The following CAMKK2 variants were observed in gnomAD, a reference collection of about 807,000 sequenced individuals.
CAMKK2 encodes calcium/calmodulin-dependent protein kinase kinase 2.
A neutral mutation model predicts 67.2 loss-of-function variants in CAMKK2; 30 were observed. The ratio of observed to expected loss-of-function variants is 0.45; its 90% CI spans 0.33 to 0.61. The LOEUF (loss-of-function observed/expected upper bound fraction) is 0.61, where lower values mean the gene tolerates loss of function less well. CAMKK2 is among the 20% of genes least tolerant of loss of function. CAMKK2 has a pLI of 0.02. For synonymous variants in CAMKK2, 322 were observed against 326.2 expected (o/e 0.99, Z 0.14); for missense variants, 643 against 802.0 (o/e 0.80, Z 2.39).
At chr12:121,260,186 G>C in intron 7 of CAMKK2, 133 bp downstream of exon 7, 1 of 729,434 alleles carries the variant, frequency 1.4e-6, no homozygotes, top group Non-Finnish European at 2.2e-6. Flanking sequence ...CCTCCGGTGG[G>C]GCCAGCTGGA....
chr12:121,257,315 T>C (rs560812748), intron 7 of CAMKK2, among the ~76,000 whole-genome samples: 49 of 151,980 alleles, frequency 3.2e-4, no homozygotes, highest in Non-Finnish European at 4.7e-4. Flanking sequence ...GGCACGATCT[T>C]GGCTCACTGC....
At chr12:121,281,525 A>G (rs1022403218) in intron 1 of CAMKK2, among the ~76,000 whole-genome samples, 1 of 152,270 alleles carries the variant, frequency 6.6e-6, no homozygotes, top group Non-Finnish European at 1.5e-5. Flanking sequence ...GCGTTCATTC[A>G]TTCATTCATT....
chr12:121,241,141 T>C (rs1593248262), intron 16 of CAMKK2, among the ~76,000 whole-genome samples: 1 of 152,152 alleles, frequency 6.6e-6, no homozygotes, highest in Non-Finnish European at 1.5e-5. Flanking sequence ...TCCAAAACTA[T>C]GTAACACCAA....
intron 9 of CAMKK2, among the ~76,000 whole-genome samples, chr12:121,254,473 G>T (rs143822665): frequency 6.6e-6 from 1 of 151,862 alleles, no homozygotes; most frequent in African/African-American, 2.4e-5. Context: ...AAAGAGCTAA[G>T]ATGTTTAACA....
At position 121,274,305 on chromosome 12, in the gene CAMKK2, C is replaced by T; in HGVS notation, c.222G>A (p.Leu74=). 6.2e-7 allele frequency: 1 copy of T among 1,612,450 alleles called. No homozygotes were observed. Among genetic ancestry groups the T allele is most frequent in the Non-Finnish European group, 8.5e-7 (1 of 1,179,204 alleles). Residue 74 remains leucine (L), a synonymous_variant, in exon 2 of 17, where the codon CTG becomes CTA. Coordinates refer to ENST00000404169, the MANE Select transcript of CAMKK2 (RefSeq NM_001270485.2). ...VDLGLARDRP[L]EADGQEVPLD... is the part of the protein sequence containing the mutation. ...GGGGGACCTCTTGGCCATCGGCCTC[C>T]AGGGGCCGGTCCCGCGCCAAGCCGA...
intron 1 of CAMKK2, among the ~76,000 whole-genome samples, chr12:121,282,544 C>T (rs1273833649): frequency 2.6e-5 from 4 of 152,128 alleles, no homozygotes; most frequent in South Asian, 2.1e-4. Flanking sequence ...CCAGCCAGCA[C>T]GGAGGGGGAA....
intron 3 of CAMKK2, chr12:121,269,852 C>A (rs912055968): frequency 3.1e-6 from 1 of 321,828 alleles, no homozygotes. Context: ...AGTTTGAGAC[C>A]AGCCTGGCCA....
At position 121,284,798 on chromosome 12, in the gene CAMKK2, C is replaced by T. The variant is rs74800480; in HGVS notation, c.-59-10213G>A. Among the ~76,000 whole-genome samples the T allele has an allele frequency of 6.9e-3, 1,057 of 152,240 alleles. 15 individuals are homozygous for T. Among genetic ancestry groups the T allele is most frequent in the African/African-American group, 0.024 (981 of 41,538 alleles). ...GACCTGTGTTTGAGAGAGATGAGAG[C>T]GAAAGCACAGGGTCTCAAAGTGCTT... On this transcript the variant is annotated intron_variant, in intron 1 of 16. Transcript: ENST00000404169.
intron 5 of CAMKK2, among the ~76,000 whole-genome samples, chr12:121,267,025 T>A (rs1272787399): frequency 3.9e-5 from 1 of 25,470 alleles, no homozygotes; most frequent in Non-Finnish European, 6.9e-5. Context: ...CTCTGGCCTT[T>A]TTTTTTTTTT....
chr12:121,253,396 G>C lies in CAMKK2; in HGVS notation c.984C>G (p.Ile328Met), dbSNP rs149343557. The change falls in exon 10 of 17, where the codon ATC becomes ATG. Residue 328 changes from isoleucine to methionine, a missense_variant. Ile to Met is a conservative substitution (Grantham distance 10). Coordinates refer to ENST00000404169, the MANE Select transcript of CAMKK2 (RefSeq NM_001270485.2). The surrounding 1 kb of genome is among the most constrained non-coding windows in gnomAD (Gnocchi z 5.0). ...LLVGEDGHIK[I>M]ADFGVSNEFK... ...ATTCATTGCTCACACCAAAGTCAGCGATCTTGATGTGCCCATCTTCTCCGA... is the reference window on the plus strand; with the variant it reads ...ATTCATTGCTCACACCAAAGTCAGCCATCTTGATGTGCCCATCTTCTCCGA... 1 of 1,614,172 alleles carries C rather than the reference G, an allele frequency of 6.2e-7. No individual in the cohort carries two copies. Among genetic ancestry groups the C allele is most frequent in the Non-Finnish European group, 8.5e-7 (1 of 1,180,020 alleles).
chr12:121,271,420 T>G (rs1350378332), intron 2 of CAMKK2, among the ~76,000 whole-genome samples: 1 of 152,162 alleles, frequency 6.6e-6, no homozygotes, highest in African/African-American at 2.4e-5. Flanking sequence ...GCCACTCTCT[T>G]GACTTCTAAC....
chr12:121,281,264 G>A (rs1018503296), intron 1 of CAMKK2, among the ~76,000 whole-genome samples: 8 of 152,336 alleles, frequency 5.3e-5, no homozygotes, highest in South Asian at 2.1e-4. Context: ...ACCTGCATCC[G>A]CTACCTCCCG....
intron 1 of CAMKK2, among the ~76,000 whole-genome samples, chr12:121,279,422 A>G (rs1445129978): frequency 6.6e-6 from 1 of 152,186 alleles, no homozygotes; most frequent in Admixed American, 6.6e-5. Context: ...CACAGACCCT[A>G]CAAAGATCTG....
At chr12:121,291,153 G>A (rs1899931152) in intron 1 of CAMKK2, among the ~76,000 whole-genome samples, 1 of 152,212 alleles carries the variant, frequency 6.6e-6, no homozygotes, top group Non-Finnish European at 1.5e-5. Context: ...CACGATTCTT[G>A]CAAGGGGTAG....
At chr12:121,290,567 G>A (rs1025350559) in intron 1 of CAMKK2, among the ~76,000 whole-genome samples, 4 of 152,152 alleles carry the variant, frequency 2.6e-5, no homozygotes, top group African/African-American at 9.7e-5. Context: ...GCGCAGGGCT[G>A]TAGGCCCAGC....
intron 15 of CAMKK2, 110 bp from the exon 16 acceptor site, chr12:121,244,725 G>A: frequency 4.6e-6 from 4 of 870,884 alleles, no homozygotes; most frequent in Non-Finnish European, 7.1e-6. Context: ...CAGCTTCATA[G>A]AGCTGGAGCC....
intron 1 of CAMKK2, among the ~76,000 whole-genome samples, chr12:121,288,776 T>C (rs1233472998): frequency 1.3e-5 from 2 of 151,898 alleles, no homozygotes; most frequent in African/African-American, 2.4e-5. Context: ...CTTTTCCAGG[T>C]TGGGATTAGC....
intron 9 of CAMKK2, among the ~76,000 whole-genome samples, chr12:121,254,094 G>C (rs530978019): frequency 6.6e-6 from 1 of 152,268 alleles, no homozygotes; most frequent in Non-Finnish European, 1.5e-5. Flanking sequence ...CCGGCCCTGC[G>C]TTGTGTTTCA....
rs960912826 is a variant in CAMKK2 at position 121,259,071 on chromosome 12, G to C, written c.796+1248C>G. On this transcript the variant is annotated intron_variant, in intron 7 of 16. Transcript: ENST00000404169. The stretch of plus-strand genomic sequence containing the variant: ...CTGCCCAGGCTGGTCTCAAACTCCT[G>C]AGCTCAGGTGATCCACCCGCTCGGA... Among the ~76,000 whole-genome samples, 9 of 152,028 alleles carry C rather than the reference G, an allele frequency of 5.9e-5. No individual in the cohort carries two copies. The South Asian group carries it at 8.3e-4, about 14-fold the overall frequency.
Sources: allele counts gnomAD v4.1 joint callset (sites outside exome capture counted in the v4.1 genomes callset), GRCh38; gene constraint gnomAD v4.1.1; non-coding constraint Gnocchi (gnomAD v3.1); transcripts MANE v1.5; gene names NCBI Gene and HGNC (gene_info 2026-07-23, HGNC 2026-07-21).